The following CSMD1 variants were observed in gnomAD, a reference collection of about 807,000 sequenced individuals.
The protein encoded by CSMD1 is CUB and sushi domain-containing protein 1.
In CSMD1, 213 loss-of-function variants were observed where a neutral mutation model predicts 417.5. The ratio of observed to expected loss-of-function variants is 0.51; its 90% CI spans 0.46 to 0.57. CSMD1 has a LOEUF of 0.57. Ranked by LOEUF, CSMD1 falls within the 20% of genes least tolerant of loss-of-function variation. The pLI is 0.00. For synonymous variants in CSMD1, 2,862 were observed against 1,736.8 expected (o/e 1.65, Z -16.11); for missense variants, 6,923 against 4,529.7 (o/e 1.53, Z -15.17).
At chr8:2,950,672 C>G (rs185273252) in intron 66 of CSMD1, among the ~76,000 whole-genome samples, 28 of 152,172 alleles carry the variant, frequency 1.8e-4, no homozygotes, top group Admixed American at 1.7e-3. Context: ...AAAAATACAT[C>G]ACAGAATTAA....
intron 12 of CSMD1, among the ~76,000 whole-genome samples, chr8:3,449,220 T>A (rs1016367850): frequency 1.3e-5 from 2 of 152,218 alleles, no homozygotes; most frequent in South Asian, 4.1e-4. Context: ...AGCATAAACC[T>A]GAAGAATTGT....
intron 1 of CSMD1, among the ~76,000 whole-genome samples, chr8:4,944,469 A>C (rs1391857505): frequency 6.6e-6 from 1 of 152,212 alleles, no homozygotes. Flanking sequence ...TCATTTGACT[A>C]ACCCAGACAC....
At chr8:3,746,210 A>C (rs1304996453) in intron 6 of CSMD1, among the ~76,000 whole-genome samples, 5 of 152,384 alleles carry the variant, frequency 3.3e-5, no homozygotes, top group African/African-American at 1.2e-4. Flanking sequence ...TGATATGCTG[A>C]AAGCCAGAAT....
At chr8:4,244,707 A>G (rs567211202) in intron 3 of CSMD1, among the ~76,000 whole-genome samples, 25 of 152,292 alleles carry the variant, frequency 1.6e-4, no homozygotes, top group Middle Eastern at 6.8e-3. Flanking sequence ...CTCTATGTCT[A>G]GAAAACTCAG....
In CSMD1 at chr8:3,931,889, G is replaced by T. The variant is rs560922075; in HGVS notation, c.818+66014C>A. Among the ~76,000 whole-genome samples, 18 of 145,064 alleles carry T rather than the reference G, an allele frequency of 1.2e-4. 2 individuals are homozygous for T. The highest frequency in any genetic ancestry group is 3.5e-3 in the Middle Eastern group (1 of 284). On this transcript the variant is annotated intron_variant, in intron 5 of 69. Coordinates refer to ENST00000635120, the MANE Select transcript of CSMD1 (RefSeq NM_033225.6). ...GAAGTGATTTTGGTTGTCAGACATT[G>T]TAGGAAAAGAAACAGAAAAAAAAAA...
intron 3 of CSMD1, among the ~76,000 whole-genome samples, chr8:4,205,596 T>A (rs1168096235): frequency 6.6e-6 from 1 of 152,220 alleles, no homozygotes; most frequent in African/African-American, 2.4e-5. Context: ...TGGGGTAGGA[T>A]GAAGCCCTGA....
chr8:3,408,568 A>T (rs927505137), intron 13 of CSMD1, among the ~76,000 whole-genome samples: 12 of 151,480 alleles, frequency 7.9e-5, no homozygotes, highest in Admixed American at 5.3e-4. Flanking sequence ...AATATGGAAA[A>T]GTATATTCCT....
In CSMD1 at chr8:3,319,878, T is replaced by C. The variant is rs939518331; in HGVS notation, c.3632-11375A>G. ...ATATTTATATTTATTTGCTCTTAGATGGGAATATCAAATTGATGACTCATT... is the reference window on the plus strand; with the variant it reads ...ATATTTATATTTATTTGCTCTTAGACGGGAATATCAAATTGATGACTCATT... On this transcript the variant is annotated intron_variant, in intron 23 of 69. Coordinates refer to ENST00000635120, the MANE Select transcript of CSMD1 (RefSeq NM_033225.6). Among the ~76,000 whole-genome samples, 3 of 152,198 alleles carry C rather than the reference T, an allele frequency of 2.0e-5. No individual in the cohort carries two copies. The South Asian group carries it at 6.2e-4, about 32-fold the overall frequency.
chr8:4,080,077 T>G (rs533119920), intron 3 of CSMD1, among the ~76,000 whole-genome samples: 1 of 151,948 alleles, frequency 6.6e-6, no homozygotes, highest in African/African-American at 2.4e-5. Context: ...CTGACAACAG[T>G]CTCTGTCTCC....
intron 5 of CSMD1, among the ~76,000 whole-genome samples, chr8:3,973,981 A>G (rs1813249381): frequency 6.6e-6 from 1 of 152,240 alleles, no homozygotes; most frequent in African/African-American, 2.4e-5. Context: ...GCATTTATCC[A>G]TTGAGTTGCA....
intron 17 of CSMD1, among the ~76,000 whole-genome samples, chr8:3,392,828 C>T (rs922227249): frequency 2.6e-5 from 4 of 152,054 alleles, no homozygotes; most frequent in Non-Finnish European, 4.4e-5. Flanking sequence ...GGTTGCGAGC[C>T]TCTGAAAGCA....
At chr8:4,794,852 G>T (rs535653361) in intron 1 of CSMD1, among the ~76,000 whole-genome samples, 1 of 152,158 alleles carries the variant, frequency 6.6e-6, no homozygotes, top group East Asian at 1.9e-4. Context: ...TCCAAGACAA[G>T]AACTGGAGTC....
At chr8:4,876,295 T>C (rs1803039496) in intron 1 of CSMD1, among the ~76,000 whole-genome samples, 1 of 152,058 alleles carries the variant, frequency 6.6e-6, no homozygotes, top group African/African-American at 2.4e-5. Context: ...ATTGCTTCTT[T>C]AAAGGAGAGT....
intron 2 of CSMD1, among the ~76,000 whole-genome samples, chr8:4,469,064 G>A (rs1324644461): frequency 6.6e-6 from 1 of 152,138 alleles, no homozygotes; most frequent in African/African-American, 2.4e-5. Context: ...AATAACAAGA[G>A]CACAATTGTG....
chr8:4,299,549 A>C (rs1156412663), intron 3 of CSMD1, among the ~76,000 whole-genome samples: 1 of 152,226 alleles, frequency 6.6e-6, no homozygotes, highest in African/African-American at 2.4e-5. Context: ...ATCAGTTTCT[A>C]GCTTCTCATA....
intron 25 of CSMD1, among the ~76,000 whole-genome samples, chr8:3,300,995 T>C (rs1219740620): frequency 1.4e-5 from 2 of 140,478 alleles, no homozygotes; most frequent in Non-Finnish European, 3.1e-5. Flanking sequence ...AAAGAAAAAT[T>C]AGAAATGGTA....
At chr8:3,774,756 T>A (rs77167940) in intron 5 of CSMD1, among the ~76,000 whole-genome samples, 2 of 152,286 alleles carry the variant, frequency 1.3e-5, no homozygotes, top group East Asian at 3.9e-4. Flanking sequence ...TATTTACTAT[T>A]CTAATGAGTA....
chr8:3,230,083 C>T lies in CSMD1; in HGVS notation c.4302G>A (p.Leu1434=), dbSNP rs764523910. The T allele has an allele frequency of 6.2e-7, 1 of 1,611,852 alleles. No homozygotes were observed. The highest frequency in any genetic ancestry group is 8.5e-7 in the Non-Finnish European group (1 of 1,178,930). Residue 1434 remains leucine (L), a synonymous_variant, in exon 27 of 70, where the codon CTG becomes CTA. Transcript: ENST00000635120. ...QGQAKITCVQ[L]NNRFFWQPDP... ...CTGGTTGCCAAAAGAACCGGTTATTCAGCTGCACACAGGTGATTTTGGCTT... is the reference window on the plus strand; with the variant it reads ...CTGGTTGCCAAAAGAACCGGTTATTTAGCTGCACACAGGTGATTTTGGCTT...
intron 7 of CSMD1, among the ~76,000 whole-genome samples, chr8:3,686,983 C>T (rs963434393): frequency 7.9e-5 from 12 of 152,158 alleles, no homozygotes; most frequent in African/African-American, 1.4e-4. Context: ...CTTGTTCAAA[C>T]GTATCAGGAC....
Sources: allele counts gnomAD v4.1 joint callset (sites outside exome capture counted in the v4.1 genomes callset), GRCh38; gene constraint gnomAD v4.1.1; transcripts MANE v1.5; gene names NCBI Gene and HGNC (gene_info 2026-07-23, HGNC 2026-07-21).